The following TLE2 variants were observed in gnomAD, a reference collection of about 807,000 sequenced individuals.
The protein encoded by TLE2 is transducin-like enhancer protein 2.
In TLE2, 74 loss-of-function variants were observed where a neutral mutation model predicts 97.2. The ratio of observed to expected loss-of-function variants is 0.76; its 90% CI spans 0.63 to 0.92. The LOEUF is 0.92. TLE2 is among the 40% of genes least tolerant of loss of function. The pLI is 0.00. For missense variants in TLE2, 1,038 were observed against 1,008.7 expected, an observed-to-expected ratio of 1.03 and a Z score of -0.39; for synonymous variants, 499 against 432.1, an observed-to-expected ratio of 1.15 and a Z score of -1.92.
At position 3,005,444 on chromosome 19, in the gene TLE2, C is replaced by G. The variant is rs1402102098; in HGVS notation, c.1889G>C (p.Ser630Thr). 4 of 1,613,784 alleles carry G rather than the reference C, an allele frequency of 2.5e-6. No individual in the cohort carries two copies. The highest frequency in any genetic ancestry group is 1.1e-5 in the South Asian group (1 of 91,062). ...GCCAGAACCGAACAGCACCTGGGAGCTGAAGTCATGCTGCTGCAGCTGGCG... is the reference window on the plus strand; with the variant it reads ...GCCAGAACCGAACAGCACCTGGGAGGTGAAGTCATGCTGCTGCAGCTGGCG... ...EGRQLQQHDF[S>T]SQIFSLGHCP... Residue 630 changes from serine to threonine, a missense_variant, in exon 17 of 20, where the codon AGC becomes ACC. By Grantham distance (58) the Ser-to-Thr change is moderately conservative. Coordinates refer to ENST00000262953, the MANE Select transcript of TLE2 (RefSeq NM_003260.5).
rs549774269 is a variant in TLE2, at chr19:3,019,276, C to T, written c.550+7G>A. ...CCAGCCAATGCCACCCCGTGCTGCC[C>T]ACTCACCTCTGGACCCCTCGGCCTC... is the stretch of plus-strand genomic sequence containing the variant. On this transcript the variant is annotated splice_region_variant and intron_variant, in intron 7 of 19. Coordinates refer to ENST00000262953, the MANE Select transcript of TLE2 (RefSeq NM_003260.5). This position sits in a 1 kb window ranked among gnomAD's most constrained non-coding sequence, Gnocchi z 5.1. 3 of 1,571,930 alleles carry T rather than the reference C, an allele frequency of 1.9e-6. No individual in the cohort carries two copies. The Admixed American group carries it at 5.3e-5, about 28-fold the overall frequency.
At chr19:2,998,236 A>AGTGTGTGTGTGTGTGTGTGTGTGT (rs1568227253) in intron 19 of TLE2, among the ~76,000 whole-genome samples, 1 of 85,136 alleles carries the variant, frequency 1.2e-5, no homozygotes, top group African/African-American at 5.6e-5. Context: ...ACGCCCGGCC[A>AGTGTGTGTGTGTGTGTGTGTGTGT]ATGTGTGTGT....
chr19:3,017,858 C>T lies in TLE2; in HGVS notation c.552G>A (p.Val184=). ...RAGVEAEGSR[V]ERAPSRSASP... ...CACTTACCCTGCTCGGGGCTCTCTC[C>T]ACTGACAGATTGGGAATGGGATAAA... Residue 184 remains valine, a splice_region_variant and synonymous_variant, in exon 8 of 20, where the codon GTG becomes GTA. Coordinates refer to ENST00000262953, the MANE Select transcript of TLE2 (RefSeq NM_003260.5). The T allele has an allele frequency of 2.5e-6, 4 of 1,612,336 alleles. No homozygotes were observed. Among genetic ancestry groups the T allele is most frequent in the Non-Finnish European group, 2.5e-6 (3 of 1,179,252 alleles).
At position 3,009,472 on chromosome 19, in the gene TLE2, T is replaced by G. The variant is rs1599208503; in HGVS notation, c.1173+70A>C. 1.8e-5 allele frequency: 26 copies of G among 1,484,598 alleles called. No individual in the cohort carries two copies. The South Asian group carries it at 3.3e-4, about 19-fold the overall frequency. The allele number at this position is 1,484,598 out of a possible 1,614,324, so 92.0% of individuals were successfully genotyped here. A position where few individuals can be genotyped will look rare whatever the true frequency, so the allele number is the denominator to read the frequency against. On this transcript the variant is annotated intron_variant, in intron 13 of 19. Transcript: ENST00000262953. ...ACTCCCTTGTCTCTCCTTGTGTAGT[T>G]GGTTTCTCCTCCCGGCCCCCAGCCC...
rs2090093926 is a variant in TLE2, at chr19:3,040,730, C to T, written c.63+4996G>A. Among the ~76,000 whole-genome samples, 3 of 151,878 alleles carry T rather than the reference C, an allele frequency of 2.0e-5. 1 individual carries two copies. In the South Asian group the frequency reaches 6.2e-4, roughly 31 times the overall value. On this transcript the variant is annotated intron_variant, in intron 1 of 18. Coordinates refer to the TLE2 transcript ENST00000426948. ...TGACATGATCACGGCTCCCTGCAAGCCTCGAGCAAAATCCTCCCACCTCAA... is the reference window on the plus strand; with the variant it reads ...TGACATGATCACGGCTCCCTGCAAGTCTCGAGCAAAATCCTCCCACCTCAA...
chr19:3,011,719 G>A (rs577336443), intron 11 of TLE2, among the ~76,000 whole-genome samples: 8 of 146,148 alleles, frequency 5.5e-5, no homozygotes, highest in East Asian at 2.1e-4. Context: ...ACGTGGTGGC[G>A]CATGCCTGTA....
chr19:3,005,891 G>A lies in TLE2; in HGVS notation c.1578C>T (p.Thr526=), dbSNP rs1385927939. 2 of 1,613,924 alleles carry A rather than the reference G, an allele frequency of 1.2e-6. No homozygotes were observed. Among genetic ancestry groups the A allele is most frequent in the East Asian group, 4.5e-5 (2 of 44,888 alleles). The change falls in exon 16 of 20, where the codon ACC becomes ACT. Residue 526 remains threonine, a synonymous_variant. Transcript: ENST00000262953. ...GCGCCGCCAGGTCCCAAATGGACAA[G>A]GTGCTGGCCTCACCGCCCACGATCA... is the stretch of plus-strand genomic sequence containing the variant. ...RSLIVGGEAS[T]LSIWDLAAPT...
chr19:3,000,714 A>C lies in TLE2; in HGVS notation c.2057T>G (p.Phe686Cys), dbSNP rs774264336. Residue 686 changes from phenylalanine to cysteine, a missense_variant, in exon 19 of 20, where the codon TTT (phenylalanine) becomes TGT (cysteine). Physicochemically the swap from Phe to Cys is radical, Grantham distance 205. Coordinates refer to ENST00000262953, the MANE Select transcript of TLE2 (RefSeq NM_003260.5). The part of the protein sequence containing the change: ...SLKFASCGRW[F>C]VSTGKDNLLN... ...CAGGTTGTCCTTCCCGGTGCTCACA[A>C]ACCACCGTCCTTGGGGAAGGAGAGC... The C allele has an allele frequency of 3.8e-6, 6 of 1,586,784 alleles. No homozygotes were observed. In the South Asian group the frequency reaches 6.9e-5, roughly 18 times the overall value.
chr19:3,019,243 C>T lies in TLE2; in HGVS notation c.550+40G>A. On this transcript the variant is annotated intron_variant, in intron 7 of 19. Coordinates refer to ENST00000262953, the MANE Select transcript of TLE2 (RefSeq NM_003260.5). This position sits in a 1 kb window ranked among gnomAD's most constrained non-coding sequence, Gnocchi z 5.1. Reference sequence around the variant, plus strand: ...GGACTGCCAGTCGTCCTCCCCAGCCCCGTCTCCCCAGCCAATGCCACCCCG... The same window carrying T: ...GGACTGCCAGTCGTCCTCCCCAGCCTCGTCTCCCCAGCCAATGCCACCCCG... 2 of 1,549,470 alleles carry T rather than the reference C, an allele frequency of 1.3e-6. No homozygotes were observed. Among genetic ancestry groups the T allele is most frequent in the South Asian group, 2.4e-5 (2 of 84,574 alleles).
intron 5 of TLE2, among the ~76,000 whole-genome samples, chr19:3,023,680 T>G (rs2089889631): frequency 1.3e-5 from 2 of 151,826 alleles, no homozygotes; most frequent in African/African-American, 4.8e-5. Flanking sequence ...ATTGCTTGAG[T>G]CCGGGGGTTC....
chr19:3,009,466 T>G lies in TLE2; in HGVS notation c.1173+76A>C. The G allele has an allele frequency of 5.5e-6, 8 of 1,465,502 alleles. No homozygotes were observed. The South Asian group carries it at 1.2e-4, about 22-fold the overall frequency. The allele number at this position is 1,465,502 out of a possible 1,614,324, so 90.8% of individuals were successfully genotyped here. A position where few individuals can be genotyped will look rare whatever the true frequency, so the allele number is the denominator to read the frequency against. On this transcript the variant is annotated intron_variant, in intron 13 of 19. Coordinates refer to ENST00000262953, the MANE Select transcript of TLE2 (RefSeq NM_003260.5). Reference sequence around the variant, plus strand: ...TTCTGCACTCCCTTGTCTCTCCTTGTGTAGTTGGTTTCTCCTCCCGGCCCC... The same window carrying G: ...TTCTGCACTCCCTTGTCTCTCCTTGGGTAGTTGGTTTCTCCTCCCGGCCCC...
intron 1 of TLE2, among the ~76,000 whole-genome samples, chr19:3,042,120 C>T (rs963551474): frequency 5.4e-5 from 8 of 149,326 alleles, no homozygotes; most frequent in Admixed American, 5.3e-4. Flanking sequence ...GGGACCGCCC[C>T]TCCCCGGGAC....
Position 3,019,825 on chromosome 19 carries a change from T to C in TLE2, c.295-52A>G, listed in dbSNP as rs2089801004. 8 of 1,577,126 alleles carry C rather than the reference T, an allele frequency of 5.1e-6. No individual in the cohort carries two copies. In the Admixed American group the frequency reaches 1.3e-4, roughly 25 times the overall value. On this transcript the variant is annotated intron_variant, in intron 5 of 19. Coordinates refer to ENST00000262953, the MANE Select transcript of TLE2 (RefSeq NM_003260.5). This position sits in a 1 kb window ranked among gnomAD's most constrained non-coding sequence, Gnocchi z 5.1. ...GGGTACATTGAGCCCCTGCTCATGC[T>C]AGCGGTGCCCTTGGGGACCTGACCT...
At chr19:3,044,684 C>T (rs530882646) in intron 1 of TLE2, among the ~76,000 whole-genome samples, 10 of 152,278 alleles carry the variant, frequency 6.6e-5, no homozygotes, top group African/African-American at 2.4e-4. Context: ...CCTCCCGAAG[C>T]GCTGGGATTA....
At chr19:2,998,580 A>G (rs990363203) in intron 19 of TLE2, among the ~76,000 whole-genome samples, 1 of 151,732 alleles carries the variant, frequency 6.6e-6, no homozygotes, top group Non-Finnish European at 1.5e-5. Flanking sequence ...ACCCGGCCTA[A>G]TTTTTGTATT....
chr19:3,005,351 C>G (rs773213586), intron 17 of TLE2, 86 bp downstream of exon 17: 38 of 1,526,758 alleles, frequency 2.5e-5, no homozygotes, highest in Non-Finnish European at 3.3e-5. Flanking sequence ...CCTGTCCTGC[C>G]TCTGGAAGTG....
At chr19:3,024,908 G>T in intron 5 of TLE2, 112 bp downstream of exon 5, 1 of 910,616 alleles carries the variant, frequency 1.1e-6, no homozygotes, top group Non-Finnish European at 1.7e-6. Flanking sequence ...CTCTATCCGT[G>T]CTGCAGGCTA....
At chr19:3,041,025 T>A (rs1286599956) in intron 1 of TLE2, among the ~76,000 whole-genome samples, 27 of 85,184 alleles carry the variant, frequency 3.2e-4, no homozygotes, top group East Asian at 1.3e-3. Context: ...TTTTTTTTTT[T>A]TTTTTTTTTT....
rs575242785 is a variant in TLE2, at chr19:3,043,965, C to T, written c.63+1761G>A. On this transcript the variant is annotated intron_variant, in intron 1 of 18. Coordinates refer to the TLE2 transcript ENST00000426948. Reference sequence around the variant, plus strand: ...CACCACTGCACTCCAGCCTCGGCGACAGAGCAAGACTCTGTCTCAAAAACA... The same window carrying T: ...CACCACTGCACTCCAGCCTCGGCGATAGAGCAAGACTCTGTCTCAAAAACA... 5.7e-4 allele frequency among the ~76,000 whole-genome samples: 87 copies of T among 152,120 alleles called. 1 individual carries two copies. Among genetic ancestry groups the T allele is most frequent in the African/African-American group, 2.0e-3 (83 of 41,500 alleles).
Sources: gnomAD v4.1 joint callset for allele counts (sites outside exome capture counted in the v4.1 genomes callset) on GRCh38, gnomAD v4.1.1 for gene constraint, Gnocchi (gnomAD v3.1) non-coding constraint, MANE v1.5 for transcripts, NCBI Gene and HGNC (gene_info 2026-07-23, HGNC 2026-07-21) for gene names.